Variants in ZMPSTE24 observed in about 807,000 individuals in gnomAD.
ZMPSTE24 encodes the protein CAAX prenyl protease 1 homolog.
ZMPSTE24 carries 48 observed loss-of-function variants against 56.7 expected under a neutral mutation model. The ratio of observed to expected loss-of-function variants is 0.85; its 90% CI spans 0.67 to 1.08. ZMPSTE24 has a LOEUF of 1.08. Among genes scored for constraint, ZMPSTE24 ranks in the 50% least tolerant of loss-of-function variants. ZMPSTE24 has a pLI of 0.00. For missense variants in ZMPSTE24, 503 were observed against 548.7 expected (o/e 0.92, Z 0.83); for synonymous variants, 172 against 195.2 (o/e 0.88, Z 0.99).
chr1:40,262,036 A>G (rs1643503137), intron 2 of ZMPSTE24, among the ~76,000 whole-genome samples: 2 of 152,158 alleles, frequency 1.3e-5, no homozygotes, highest in Admixed American at 1.3e-4. Flanking sequence ...CCTGATCATC[A>G]TCATCATCAT....
chr1:40,272,032 GA>G lies in ZMPSTE24; in HGVS notation c.768del (p.Gly257AspfsTer21). 2 of 1,605,922 alleles carry G rather than the reference GA, an allele frequency of 1.2e-6. No individual in the cohort carries two copies. The highest frequency in any genetic ancestry group is 1.7e-6 in the Non-Finnish European group (2 of 1,175,524). ...TCCTTTGACGAAGGTGTATGTTGTG[GA>G]AGGTAAGGCTACCTGGGGATAAGAA... Reference protein sequence around the residue: ...DFPLTKVYVVEGSKRSSHSNA... With the variant: ...DFPLTKVYVVXGSKRSSHSNA... On this transcript the variant is annotated frameshift_variant and splice_region_variant, in exon 6 of 10. Transcript: ENST00000372759. LOFTEE classifies it high-confidence loss of function.
chr1:40,280,517 T>C (rs1643718397), intron 6 of ZMPSTE24, among the ~76,000 whole-genome samples: 1 of 152,068 alleles, frequency 6.6e-6, no homozygotes, highest in Admixed American at 6.6e-5. Flanking sequence ...CTCCGTCTCC[T>C]GGGTTCAAGC....
At chr1:40,279,831 T>G (rs1643709882) in intron 6 of ZMPSTE24, among the ~76,000 whole-genome samples, 1 of 152,182 alleles carries the variant, frequency 6.6e-6, no homozygotes, top group African/African-American at 2.4e-5. Context: ...TTCAGAAAGC[T>G]ATAGTGGATC....
intron 5 of ZMPSTE24, among the ~76,000 whole-genome samples, chr1:40,270,815 G>A (rs6682701): frequency 0.52 from 78,696 of 151,828 alleles, 21,752 homozygotes; most frequent in African/African-American, 0.71. Flanking sequence ...ACACTACAAC[G>A]CAGTCAAAAT....
chr1:40,268,995 G>C (rs867301450), intron 4 of ZMPSTE24, among the ~76,000 whole-genome samples: 1 of 144,280 alleles, frequency 6.9e-6, no homozygotes, highest in South Asian at 2.2e-4. Flanking sequence ...AGAATGGCGT[G>C]AACCCGGGAG....
chr1:40,270,431 A>G (rs1273945122), intron 5 of ZMPSTE24, among the ~76,000 whole-genome samples: 2 of 152,212 alleles, frequency 1.3e-5, no homozygotes, highest in Non-Finnish European at 2.9e-5. Flanking sequence ...ACTAAGTGTG[A>G]TAATTTAATG....
At chr1:40,271,852 T>C (rs759658858) in intron 5 of ZMPSTE24, 42 bp from the exon 6 acceptor site, 13 of 1,606,836 alleles carry the variant, frequency 8.1e-6, no homozygotes, top group African/African-American at 1.3e-5. Context: ...TGTTTTTTCT[T>C]TAAGAACATG....
chr1:40,268,403 T>A lies in ZMPSTE24; in HGVS notation c.358-16T>A. 6.3e-7 allele frequency: 1 copy of A among 1,593,796 alleles called. No homozygotes were observed. Among genetic ancestry groups the A allele is most frequent in the Non-Finnish European group, 8.6e-7 (1 of 1,165,510 alleles). On this transcript the variant is annotated splice_polypyrimidine_tract_variant and intron_variant, in intron 3 of 9. Transcript: ENST00000372759. ...TAGTTCATAAAAACTGGATTTTTGTTTTTTCTTTTGTTTAGATCACTCAGT... is the reference window on the plus strand; with the variant it reads ...TAGTTCATAAAAACTGGATTTTTGTATTTTCTTTTGTTTAGATCACTCAGT...
At chr1:40,260,015 C>G (rs185009966) in intron 1 of ZMPSTE24, among the ~76,000 whole-genome samples, 1 of 148,440 alleles carries the variant, frequency 6.7e-6, no homozygotes, top group Non-Finnish European at 1.5e-5. Flanking sequence ...ATTACCCTTA[C>G]CTTTTATAAT....
At chr1:40,267,255 A>G (rs1469743959) in intron 2 of ZMPSTE24, among the ~76,000 whole-genome samples, 1 of 152,092 alleles carries the variant, frequency 6.6e-6, no homozygotes, top group Non-Finnish European at 1.5e-5. Context: ...TAGTATCTCA[A>G]TGGTTAGTAC....
chr1:40,277,694 C>T (rs969091400), intron 6 of ZMPSTE24, among the ~76,000 whole-genome samples: 5 of 151,962 alleles, frequency 3.3e-5, no homozygotes, highest in East Asian at 1.9e-4. Flanking sequence ...AGCAGCCAGG[C>T]GTGGTAGCTC....
chr1:40,276,105 C>T (rs1643668665), intron 6 of ZMPSTE24, among the ~76,000 whole-genome samples: 1 of 152,188 alleles, frequency 6.6e-6, no homozygotes, highest in Admixed American at 6.5e-5. Context: ...GAAGCAGCCT[C>T]TTACATAGTG....
At chr1:40,261,047 A>G in intron 2 of ZMPSTE24, 62 bp downstream of exon 2, 5 of 1,588,428 alleles carry the variant, frequency 3.1e-6, no homozygotes, top group Non-Finnish European at 4.3e-6. Flanking sequence ...ATATTTTTGT[A>G]ACACAAAAGA....
At chr1:40,291,209 A>G (rs567356780) in intron 9 of ZMPSTE24, among the ~76,000 whole-genome samples, 1 of 152,406 alleles carries the variant, frequency 6.6e-6, no homozygotes, top group East Asian at 1.9e-4. Context: ...TTAGGAAAGT[A>G]TAAGTAGAAA....
At position 40,258,411 on chromosome 1, in the gene ZMPSTE24, T is replaced by C; in HGVS notation, c.123+17T>C. The stretch of plus-strand genomic sequence containing the variant: ...CAGCGGCAGGTGAGCCTAGACAGGG[T>C]CCAACCTGACCCCCATACCCGGCCA... On this transcript the variant is annotated intron_variant, in intron 1 of 9. Transcript: ENST00000372759. The C allele has an allele frequency of 6.2e-7, 1 of 1,613,774 alleles. No homozygotes were observed. Among genetic ancestry groups the C allele is most frequent in the Non-Finnish European group, 8.5e-7 (1 of 1,179,970 alleles).
At chr1:40,262,136 G>A (rs1643503918) in intron 2 of ZMPSTE24, among the ~76,000 whole-genome samples, 1 of 152,162 alleles carries the variant, frequency 6.6e-6, no homozygotes, top group African/African-American at 2.4e-5. Context: ...ATTGTTTCAT[G>A]AGTTAAAGAA....
rs201203223 is a variant in ZMPSTE24 at position 40,259,729 on chromosome 1, GCCT to G, written c.124-1109_124-1107del. ...AAACGACCCCTCCACCTCCACCTCA[GCCT>G]TCTGAGTTGCTAGGACCACAGGTGC... On this transcript the variant is annotated intron_variant, in intron 1 of 9. Coordinates refer to ENST00000372759, the MANE Select transcript of ZMPSTE24 (RefSeq NM_005857.5). Among the ~76,000 whole-genome samples the G allele has an allele frequency of 7.2e-5, 11 of 152,220 alleles. No homozygotes were observed. In the East Asian group the frequency reaches 2.1e-3, roughly 29 times the overall value.
intron 9 of ZMPSTE24, among the ~76,000 whole-genome samples, chr1:40,291,873 C>T (rs1208249229): frequency 6.7e-6 from 1 of 148,270 alleles, no homozygotes; most frequent in East Asian, 2.0e-4. Flanking sequence ...TGGAGTCTCG[C>T]TCTGTCTCCC....
chr1:40,268,133 A>T (rs995157149), intron 3 of ZMPSTE24, among the ~76,000 whole-genome samples: 1 of 152,226 alleles, frequency 6.6e-6, no homozygotes, highest in Admixed American at 6.5e-5. Context: ...ACTTTCTTCC[A>T]TGTGGTAAGC....
Sources: allele counts gnomAD v4.1 joint callset (sites outside exome capture counted in the v4.1 genomes callset), GRCh38; gene constraint gnomAD v4.1.1; transcripts MANE v1.5; gene names NCBI Gene and HGNC (gene_info 2026-07-23, HGNC 2026-07-21).